MALT1: variants seen among roughly 807,000 people sequenced by gnomAD.
MALT1 encodes the protein mucosa-associated lymphoid tissue lymphoma translocation protein 1.
In MALT1, 36 loss-of-function variants were observed where a neutral mutation model predicts 85.5. The ratio of observed to expected loss-of-function variants is 0.42; its 90% CI spans 0.32 to 0.56. The LOEUF (loss-of-function observed/expected upper bound fraction) is 0.56. Among genes scored for constraint, MALT1 ranks in the 20% least tolerant of loss-of-function variants. The probability of loss-of-function intolerance (pLI) is 0.10; values close to 1 mark genes in which losing one functional copy is unlikely to be tolerated. For synonymous variants in MALT1, 359 were observed against 361.3 expected (o/e 0.99, Z 0.07); for missense variants, 716 against 981.6 (o/e 0.73, Z 3.62).
Position 58,735,349 on chromosome 18 carries a change from G to T in MALT1, c.1603+20G>T. On this transcript the variant is annotated intron_variant, in intron 13 of 16. Transcript: ENST00000649217. ...CAGAAGGTAAAATAAAAAATAAAGA[G>T]AAAAGTACTCAGAAAAAGGAGAGCA... 6.3e-7 allele frequency: 1 copy of T among 1,584,080 alleles called. No homozygotes were observed. The highest frequency in any genetic ancestry group is 1.2e-5 in the South Asian group (1 of 85,154).
At chr18:58,679,976 G>T (rs1356562921) in intron 1 of MALT1, among the ~76,000 whole-genome samples, 1 of 151,990 alleles carries the variant, frequency 6.6e-6, no homozygotes, top group Non-Finnish European at 1.5e-5. Context: ...TTGAGCCCAG[G>T]AGTTTGAAAC....
chr18:58,737,609 C>T (rs1297990071), intron 13 of MALT1, among the ~76,000 whole-genome samples: 1 of 152,046 alleles, frequency 6.6e-6, no homozygotes, highest in Non-Finnish European at 1.5e-5. Context: ...TGTGAGACTA[C>T]AGAGTCTCTG....
At position 58,714,129 on chromosome 18, in the gene MALT1, A is replaced by C. The variant is rs2054869141; in HGVS notation, c.985+20A>C. The C allele has an allele frequency of 8.2e-7, 1 of 1,220,400 alleles. No homozygotes were observed. Among genetic ancestry groups the C allele is most frequent in the South Asian group, 1.3e-5 (1 of 78,236 alleles). The allele number at this position is 1,220,400 out of a possible 1,614,324, so 75.6% of individuals were successfully genotyped here. A position where few individuals can be genotyped will look rare whatever the true frequency, so the allele number is the denominator to read the frequency against. ...ATCCTGGTGAGTAATACAAACATAA[A>C]ACTTTAGTTTTAGATTTTTAAGTTG... On this transcript the variant is annotated intron_variant, in intron 8 of 16. Transcript: ENST00000649217.
At chr18:58,695,540 A>G (rs1304577295) in intron 2 of MALT1, among the ~76,000 whole-genome samples, 1 of 152,164 alleles carries the variant, frequency 6.6e-6, no homozygotes, top group Non-Finnish European at 1.5e-5. Flanking sequence ...TTTCAATACT[A>G]AATAATAATG....
intron 10 of MALT1, among the ~76,000 whole-genome samples, chr18:58,729,904 T>A (rs868663028): frequency 1.5e-4 from 23 of 152,342 alleles, no homozygotes; most frequent in Middle Eastern, 3.4e-3. Flanking sequence ...CAGAAAGTGC[T>A]GCTACAGCAT....
At chr18:58,688,104 G>A (rs1404078305) in intron 2 of MALT1, among the ~76,000 whole-genome samples, 1 of 152,094 alleles carries the variant, frequency 6.6e-6, no homozygotes, top group Non-Finnish European at 1.5e-5. Context: ...TCACTAGTGG[G>A]TGCTGCATTG....
chr18:58,744,992 C>G (rs1418759567), intron 15 of MALT1, among the ~76,000 whole-genome samples: 1 of 152,090 alleles, frequency 6.6e-6, no homozygotes, highest in Non-Finnish European at 1.5e-5. Context: ...GAGAAGCAAG[C>G]AAGGAGTAAG....
At chr18:58,689,055 G>A (rs574114346) in intron 2 of MALT1, among the ~76,000 whole-genome samples, 2 of 152,218 alleles carry the variant, frequency 1.3e-5, no homozygotes, top group East Asian at 3.9e-4. Context: ...GGGGTGCTGA[G>A]GTGGGAGGAT....
chr18:58,698,775 G>A (rs2054630627), intron 3 of MALT1, among the ~76,000 whole-genome samples: 1 of 152,146 alleles, frequency 6.6e-6, no homozygotes, highest in Admixed American at 6.5e-5. Context: ...CAGGGGCCCT[G>A]TGAGCATAAT....
intron 13 of MALT1, among the ~76,000 whole-genome samples, chr18:58,739,013 TAATTTTTTTGAA>T (rs1169337206): frequency 3.9e-5 from 6 of 152,216 alleles, no homozygotes; most frequent in African/African-American, 1.4e-4. Context: ...GAAGTTCTCT[TAATTTTTTTGAA>T]AATTTTTATT....
rs1470025464 is a variant in MALT1, at chr18:58,709,516, A to G, written c.788A>G (p.Asn263Ser). The G allele has an allele frequency of 1.2e-6, 2 of 1,612,368 alleles. No homozygotes were observed. Among genetic ancestry groups the G allele is most frequent in the Non-Finnish European group, 1.7e-6 (2 of 1,179,470 alleles). ...SPIPHYQWFK[N>S]ELPLTHETKK... ...ATTCCTCACTACCAGTGGTTCAAAAATGAATTACCATTAACACATGAGACC... is the reference window on the plus strand; with the variant it reads ...ATTCCTCACTACCAGTGGTTCAAAAGTGAATTACCATTAACACATGAGACC... Residue 263 changes from asparagine to serine, a missense_variant, in exon 5 of 17, where the codon AAT becomes AGT. Transcript: ENST00000649217.
chr18:58,699,197 A>C (rs1316032741), intron 3 of MALT1, among the ~76,000 whole-genome samples: 2 of 152,274 alleles, frequency 1.3e-5, no homozygotes, highest in African/African-American at 4.8e-5. Context: ...AGCAGTTATA[A>C]ATAAGTACAG....
At chr18:58,679,892 T>C (rs1269648021) in intron 1 of MALT1, among the ~76,000 whole-genome samples, 1 of 152,148 alleles carries the variant, frequency 6.6e-6, no homozygotes, top group Non-Finnish European at 1.5e-5. Flanking sequence ...TTTCTAAATA[T>C]ACTTTTTAAA....
rs1254244920 is a variant in MALT1, at chr18:58,749,289, A to T, written c.*1447A>T. ...ACACACATTATGAGCTTGAATTCTT[A>T]ATTCATCCTAGCAAATTCTACCTTA... is the stretch of plus-strand genomic sequence containing the variant. On this transcript the variant is annotated 3_prime_UTR_variant, in exon 17 of 17. Coordinates refer to ENST00000649217, the MANE Select transcript of MALT1 (RefSeq NM_006785.4). 1 of 216,640 alleles carries T rather than the reference A, an allele frequency of 4.6e-6. No homozygotes were observed. Among genetic ancestry groups the T allele is most frequent in the East Asian group, 6.9e-5 (1 of 14,470 alleles). The allele number at this position is 216,640 out of a possible 1,614,324, so 13.4% of individuals were successfully genotyped here. A position where few individuals can be genotyped will look rare whatever the true frequency, so the allele number is the denominator to read the frequency against.
chr18:58,738,744 G>A (rs989785106), intron 13 of MALT1, among the ~76,000 whole-genome samples: 1 of 151,856 alleles, frequency 6.6e-6, no homozygotes, highest in African/African-American at 2.4e-5. Context: ...ATAGCTATAT[G>A]TATATCTTAT....
chr18:58,688,536 CAAAAAAA>C (rs552838701), intron 2 of MALT1, among the ~76,000 whole-genome samples: 8,379 of 61,280 alleles, frequency 0.14, 238 homozygotes, highest in Non-Finnish European at 0.19. Context: ...CCTGTTTCTA[CAAAAAAA>C]AAAAAAAAAA....
At chr18:58,677,139 T>C (rs557623023) in intron 1 of MALT1, among the ~76,000 whole-genome samples, 2 of 152,182 alleles carry the variant, frequency 1.3e-5, no homozygotes, top group Non-Finnish European at 2.9e-5. Flanking sequence ...AAGTTAGGTA[T>C]GTATAAGCAT....
rs548638280 is a variant in MALT1, at chr18:58,681,111, A to G, written c.210-59A>G. On this transcript the variant is annotated intron_variant, in intron 1 of 16. Coordinates refer to ENST00000649217, the MANE Select transcript of MALT1 (RefSeq NM_006785.4). ...TACAGCACCACCGTGGTCCAGATAT[A>G]TAGCAGGTGTATCATGTGGAAGAAA... The G allele has an allele frequency of 4.0e-6, 6 of 1,517,456 alleles. No individual in the cohort carries two copies. The East Asian group carries it at 6.8e-5, about 17-fold the overall frequency. 94.0% of individuals were successfully genotyped at this position (1,517,456 alleles called of 1,614,324 possible). A position where few individuals can be genotyped will look rare whatever the true frequency, so the allele number is the denominator to read the frequency against.
chr18:58,730,958 CTT>C (rs550670187), intron 10 of MALT1, among the ~76,000 whole-genome samples: 2 of 149,376 alleles, frequency 1.3e-5, no homozygotes, highest in Admixed American at 6.7e-5. Context: ...AGTCATTAGT[CTT>C]TTTTTTTTGA....
Sources: gnomAD v4.1 joint callset for allele counts (sites outside exome capture counted in the v4.1 genomes callset) on GRCh38, gnomAD v4.1.1 for gene constraint, MANE v1.5 for transcripts, NCBI Gene and HGNC (gene_info 2026-07-23, HGNC 2026-07-21) for gene names.